The following BNC1 variants were observed in gnomAD, a reference collection of about 807,000 sequenced individuals.
BNC1 encodes basonuclin zinc finger protein 1, also known as zinc finger protein basonuclin-1.
In BNC1, 8 loss-of-function variants were observed where a neutral mutation model predicts 66.5. That is an observed-to-expected ratio of 0.12 (90% CI 0.07 to 0.22). The LOEUF (loss-of-function observed/expected upper bound fraction) is 0.22. Among genes scored for constraint, BNC1 ranks in the 10% least tolerant of loss-of-function variants. The pLI, the probability that BNC1 is intolerant of heterozygous loss-of-function variation, is 1.00. For missense variants in BNC1, 1,069 were observed against 1,241.3 expected, an observed-to-expected ratio of 0.86 and a Z score of 2.09; for synonymous variants, 454 against 452.6, an observed-to-expected ratio of 1.00 and a Z score of -0.04.
At chr15:83,262,273 G>T (rs2038152195) in intron 4 of BNC1, among the ~76,000 whole-genome samples, 1 of 151,974 alleles carries the variant, frequency 6.6e-6, no homozygotes. Context: ...GGATGGTCTC[G>T]ATCTCTTGAC....
chr15:83,280,317 G>A (rs1401225422), intron 1 of BNC1, among the ~76,000 whole-genome samples: 2 of 152,110 alleles, frequency 1.3e-5, no homozygotes, highest in Non-Finnish European at 2.9e-5. Flanking sequence ...AAAACCAAAA[G>A]ATATTAATTG....
intron 1 of BNC1, among the ~76,000 whole-genome samples, chr15:83,274,288 G>C (rs2038297578): frequency 6.6e-6 from 1 of 152,202 alleles, no homozygotes; most frequent in Non-Finnish European, 1.5e-5. Context: ...GGGAGGCTGA[G>C]CCAGGAGAAT....
chr15:83,274,644 A>G (rs2038301967), intron 1 of BNC1, among the ~76,000 whole-genome samples: 2 of 152,214 alleles, frequency 1.3e-5, no homozygotes, highest in Non-Finnish European at 2.9e-5. Context: ...TGAGGAGAGA[A>G]TTATTCTCAG....
At position 83,256,698 on chromosome 15, in the gene BNC1, C is replaced by T. The variant is rs2151433183; in HGVS notation, c.*744G>A. The stretch of plus-strand genomic sequence containing the variant: ...GAGGTGACACAGTGCAATATCTGCA[C>T]TCACACCAAACACCACATAAGCACA... On this transcript the variant is annotated 3_prime_UTR_variant, in exon 5 of 5. Transcript: ENST00000345382. 1 of 152,340 alleles carries T rather than the reference C, an allele frequency of 6.6e-6. No homozygotes were observed. Among genetic ancestry groups the T allele is most frequent in the South Asian group, 2.1e-4 (1 of 4,826 alleles). 9.4% of individuals were successfully genotyped at this position (152,340 alleles called of 1,614,324 possible).
At chr15:83,271,608 G>A (rs1185223159) in intron 1 of BNC1, among the ~76,000 whole-genome samples, 1 of 152,154 alleles carries the variant, frequency 6.6e-6, no homozygotes, top group Non-Finnish European at 1.5e-5. Context: ...GTCTTGGGGG[G>A]TGAAAGAATT....
At chr15:83,274,340 G>A (rs555565294) in intron 1 of BNC1, among the ~76,000 whole-genome samples, 3 of 152,260 alleles carry the variant, frequency 2.0e-5, no homozygotes, top group South Asian at 4.1e-4. Flanking sequence ...AGCTGAGATC[G>A]CGCCACTGCA....
intron 1 of BNC1, among the ~76,000 whole-genome samples, chr15:83,271,007 G>A (rs924514919): frequency 6.6e-6 from 1 of 152,154 alleles, no homozygotes; most frequent in African/African-American, 2.4e-5. Flanking sequence ...TGGGTGCAGT[G>A]GCTCACGCCT....
At chr15:83,276,391 T>C (rs1177741974) in intron 1 of BNC1, among the ~76,000 whole-genome samples, 1 of 152,246 alleles carries the variant, frequency 6.6e-6, no homozygotes, top group East Asian at 1.9e-4. Flanking sequence ...GCCTGATACT[T>C]GGTAAGCCCT....
intron 1 of BNC1, among the ~76,000 whole-genome samples, chr15:83,282,584 G>GA (rs1243840471): frequency 2.6e-5 from 4 of 152,146 alleles, no homozygotes. Flanking sequence ...AGGGATCAAT[G>GA]AAAAGAGAGT....
rs763318317 is a variant in BNC1 at position 83,263,632 on chromosome 15, G to C, written c.1619C>G (p.Ser540Cys). 7.2e-5 allele frequency: 117 copies of C among 1,614,058 alleles called. 1 individual carries two copies. The highest frequency in any genetic ancestry group is 2.8e-4 in the Admixed American group (17 of 60,006). ...DALPKKKSRK[S>C]SMPIKIEKEA... ...TTTCTCTATTTTGATAGGCATACTGGACTTCCTGGATTTCTTCTTGGGAAG... is the reference window on the plus strand; with the variant it reads ...TTTCTCTATTTTGATAGGCATACTGCACTTCCTGGATTTCTTCTTGGGAAG... The change falls in exon 4 of 5, where the codon TCC (serine) becomes TGC (cysteine). Residue 540 changes from serine to cysteine, a missense_variant. Transcript: ENST00000345382.
At chr15:83,275,894 T>A (rs1024974245) in intron 1 of BNC1, among the ~76,000 whole-genome samples, 4 of 151,800 alleles carry the variant, frequency 2.6e-5, no homozygotes, top group East Asian at 1.9e-4. Context: ...TTTTTTTTTT[T>A]ATGTATGAAA....
At chr15:83,273,702 C>G (rs1389120281) in intron 1 of BNC1, among the ~76,000 whole-genome samples, 1 of 152,146 alleles carries the variant, frequency 6.6e-6, no homozygotes, top group Non-Finnish European at 1.5e-5. Flanking sequence ...AAGTTATGAC[C>G]TAGTTTTTAG....
chr15:83,269,325 T>C (rs1222981433), intron 1 of BNC1, among the ~76,000 whole-genome samples: 4 of 152,188 alleles, frequency 2.6e-5, no homozygotes, highest in African/African-American at 7.2e-5. Flanking sequence ...TAATCTATTA[T>C]TAAACAGAAA....
intron 1 of BNC1, among the ~76,000 whole-genome samples, chr15:83,271,150 C>T (rs2038265847): frequency 6.6e-6 from 1 of 152,070 alleles, no homozygotes; most frequent in South Asian, 2.1e-4. Context: ...GTGGCATGCA[C>T]CTGTAGACCC....
intron 4 of BNC1, 64 bp downstream of exon 4, chr15:83,262,887 C>T: frequency 2.1e-6 from 3 of 1,455,366 alleles, no homozygotes; most frequent in Non-Finnish European, 2.8e-6. Context: ...CCGGGTGATT[C>T]TGATGCATGT....
Position 83,257,742 on chromosome 15 carries a change from T to C in BNC1, c.2685A>G (p.Glu895=), listed in dbSNP as rs762588912. The C allele has an allele frequency of 3.9e-5, 63 of 1,614,022 alleles. No individual in the cohort carries two copies. The highest frequency in any genetic ancestry group is 4.6e-5 in the Non-Finnish European group (54 of 1,180,032). The change falls in exon 5 of 5, where the codon GAA becomes GAG. Residue 895 remains glutamate, a synonymous_variant. Transcript: ENST00000345382. ...CTTCCCCAGGGACAAGGCTCGACCC[T>C]TCACAGTTCCCATCACTGTCCTCCA... ...VLMEDSDGNC[E]GSSLVPGEDE... is the part of the protein sequence containing the mutation.
At chr15:83,268,095 AAC>A in intron 2 of BNC1, 36 bp downstream of exon 2, 1 of 1,540,974 alleles carries the variant, frequency 6.5e-7, no homozygotes, top group South Asian at 1.1e-5. Context: ...ACTTAGAGGT[AAC>A]ACTACAGGCC....
chr15:83,273,954 G>A (rs2038293912), intron 1 of BNC1, among the ~76,000 whole-genome samples: 1 of 152,166 alleles, frequency 6.6e-6, no homozygotes, highest in South Asian at 2.1e-4. Context: ...TCTAGTATGT[G>A]CATATACTTT....
chr15:83,257,525 A>C lies in BNC1; in HGVS notation c.2902T>G (p.Ser968Ala), dbSNP rs779309496. The change falls in exon 5 of 5, where the codon TCG becomes GCG. Residue 968 changes from serine (S) to alanine (A), a missense_variant. Transcript: ENST00000345382. ...CKVPGCNTMF[S>A]SVRSRNRHSQ... ...TGTCTGTTTCGACTGCGAACAGACG[A>C]AAACATGGTGTTGCAGCCTGGTACT... 22 of 1,614,206 alleles carry C rather than the reference A, an allele frequency of 1.4e-5. No homozygotes were observed. Among genetic ancestry groups the C allele is most frequent in the Non-Finnish European group, 1.9e-5 (22 of 1,180,030 alleles).
Sources: allele counts gnomAD v4.1 joint callset (sites outside exome capture counted in the v4.1 genomes callset), GRCh38; gene constraint gnomAD v4.1.1; transcripts MANE v1.5; gene names NCBI Gene and HGNC (gene_info 2026-07-23, HGNC 2026-07-21).